Variants in CBLC observed in about 807,000 individuals in gnomAD.
CBLC encodes Cbl proto-oncogene C, also known as E3 ubiquitin-protein ligase CBL-C.
CBLC carries 46 observed loss-of-function variants against 58.6 expected under a neutral mutation model. The observed-to-expected ratio is 0.79, with a 90% CI of 0.62 to 1.00. The LOEUF (loss-of-function observed/expected upper bound fraction) is 1.00. Ranked by LOEUF, CBLC falls within the 50% of genes least tolerant of loss-of-function variation. The probability of loss-of-function intolerance (pLI) is 0.00; values close to 1 mark genes in which losing one functional copy is unlikely to be tolerated. For missense variants in CBLC, 655 were observed against 625.8 expected, an observed-to-expected ratio of 1.05 and a Z score of -0.50; for synonymous variants, 271 against 264.2, an observed-to-expected ratio of 1.03 and a Z score of -0.25.
rs756001540 is a variant in CBLC at position 44,793,636 on chromosome 19, C to T, written c.1284+16C>T. 3.8e-6 allele frequency: 6 copies of T among 1,567,868 alleles called. No homozygotes were observed. The highest frequency in any genetic ancestry group is 1.5e-5 in the African/African-American group (1 of 65,392). On this transcript the variant is annotated intron_variant, in intron 8 of 10. Coordinates refer to ENST00000647358, the MANE Select transcript of CBLC (RefSeq NM_012116.4). ...GCTGGGGCAGGTGAGCAGGGCCAGC[C>T]GGGAGCTGGAATCCAAATTCCTGAG...
chr19:44,796,816 G>C (rs1191175760), intron 9 of CBLC, among the ~76,000 whole-genome samples: 2 of 151,454 alleles, frequency 1.3e-5, no homozygotes, highest in East Asian at 1.9e-4. Flanking sequence ...CACAGGCTTC[G>C]ATCAATACTG....
At chr19:44,797,567 G>A (rs111654618) in intron 9 of CBLC, among the ~76,000 whole-genome samples, 1,741 of 138,630 alleles carry the variant, frequency 0.013, 51 homozygotes, top group Non-Finnish European at 0.012. Context: ...CTATGTGCCT[G>A]GCATTGCTTT....
chr19:44,798,023 G>A (rs1372021333), intron 9 of CBLC, among the ~76,000 whole-genome samples: 1 of 152,076 alleles, frequency 6.6e-6, no homozygotes, highest in Non-Finnish European at 1.5e-5. Context: ...TGTGGCCCCT[G>A]GGGTTGCTGT....
intron 9 of CBLC, 126 bp downstream of exon 9, chr19:44,794,407 C>A: frequency 1.4e-6 from 1 of 695,326 alleles, no homozygotes; most frequent in African/African-American, 1.9e-5. Context: ...CCAAGGCACC[C>A]ATCCCCTCTG....
At chr19:44,788,003 T>C (rs1047102905) in intron 5 of CBLC, among the ~76,000 whole-genome samples, 8 of 151,284 alleles carry the variant, frequency 5.3e-5, no homozygotes, top group Non-Finnish European at 1.2e-4. Flanking sequence ...CACTATGTTG[T>C]CCAGGCTGGC....
At chr19:44,796,270 G>A (rs2965115) in intron 9 of CBLC, among the ~76,000 whole-genome samples, 2,673 of 152,248 alleles carry the variant, frequency 0.018, 88 homozygotes, top group African/African-American at 0.058. Context: ...GAGGAAAAAA[G>A]TTCAGAGAGG....
chr19:44,780,884 A>G (rs758307910), intron 1 of CBLC, 21 bp from the exon 2 acceptor site: 25 of 1,607,486 alleles, frequency 1.6e-5, no homozygotes, highest in Non-Finnish European at 2.1e-5. Context: ...GGATAGCCAG[A>G]GTCCTTGCCC....
chr19:44,791,092 C>T (rs1485495739), intron 6 of CBLC, among the ~76,000 whole-genome samples: 2 of 151,414 alleles, frequency 1.3e-5, no homozygotes, highest in Admixed American at 1.3e-4. Flanking sequence ...GCACTCCAGC[C>T]TGGGCAACAG....
intron 10 of CBLC, 27 bp downstream of exon 10, chr19:44,800,477 G>C (rs1331523383): frequency 2.7e-6 from 4 of 1,485,304 alleles, no homozygotes; most frequent in Non-Finnish European, 3.7e-6. Flanking sequence ...ACCCTCCCTG[G>C]CCCACTCCAC....
intron 1 of CBLC, among the ~76,000 whole-genome samples, chr19:44,780,587 C>T (rs1212069569): frequency 6.6e-6 from 1 of 151,584 alleles, no homozygotes; most frequent in Non-Finnish European, 1.5e-5. Flanking sequence ...ATTCTCCTGC[C>T]TCAGCCTCCT....
At position 44,792,354 on chromosome 19, in the gene CBLC, G is replaced by A. The variant is rs116699712; in HGVS notation, c.1006-29G>A. On this transcript the variant is annotated intron_variant, in intron 6 of 10. Transcript: ENST00000647358. ...TCCCCGTGGCTGACGCATGCCCCTC[G>A]CTGTCTTCTCTATCCTCTCACCTGC... 2.3e-3 allele frequency: 3,652 copies of A among 1,610,814 alleles called. 67 individuals carry two copies. The African/African-American group carries it at 0.04, about 17-fold the overall frequency.
Position 44,784,642 on chromosome 19 carries a change from T to G in CBLC, c.917+241T>G, listed in dbSNP as rs114034879. On this transcript the variant is annotated intron_variant, in intron 5 of 10. Coordinates refer to ENST00000647358, the MANE Select transcript of CBLC (RefSeq NM_012116.4). ...GCCCAGCCACAGCTCCGAGGAGAAGTGTGTGGGGCATTGGGCACAACCGCA... is the reference window on the plus strand; with the variant it reads ...GCCCAGCCACAGCTCCGAGGAGAAGGGTGTGGGGCATTGGGCACAACCGCA... 5.1e-3 allele frequency among the ~76,000 whole-genome samples: 781 copies of G among 152,188 alleles called. 4 individuals are homozygous for G. Among genetic ancestry groups the G allele is most frequent in the African/African-American group, 0.017 (703 of 41,524 alleles).
intron 1 of CBLC, among the ~76,000 whole-genome samples, chr19:44,780,461 C>T (rs1967690034): frequency 1.4e-5 from 2 of 141,326 alleles, no homozygotes; most frequent in Non-Finnish European, 1.5e-5. Flanking sequence ...CCATGTATAT[C>T]GTTTTTAATT....
intron 5 of CBLC, among the ~76,000 whole-genome samples, chr19:44,787,280 G>C (rs1490985296): frequency 6.6e-6 from 1 of 151,470 alleles, no homozygotes; most frequent in Admixed American, 6.6e-5. Context: ...TGTAGTCCCA[G>C]CTACTCAGGA....
intron 9 of CBLC, among the ~76,000 whole-genome samples, chr19:44,799,985 C>T (rs907537732): frequency 3.9e-5 from 6 of 152,072 alleles, no homozygotes; most frequent in Non-Finnish European, 7.4e-5. Flanking sequence ...GATGGACAGG[C>T]GGACAGACAA....
chr19:44,786,300 C>T (rs1198857886), intron 5 of CBLC, among the ~76,000 whole-genome samples: 1 of 151,684 alleles, frequency 6.6e-6, no homozygotes, highest in Non-Finnish European at 1.5e-5. Flanking sequence ...TTTAAAGACA[C>T]TTTATTCAAG....
chr19:44,785,270 G>A (rs1599862819), intron 5 of CBLC, among the ~76,000 whole-genome samples: 2 of 151,440 alleles, frequency 1.3e-5, no homozygotes, highest in Admixed American at 6.6e-5. Flanking sequence ...ACCATGCCCG[G>A]TCCTAAGTTT....
At chr19:44,793,139 G>A (rs1599871414) in intron 7 of CBLC, among the ~76,000 whole-genome samples, 2 of 152,180 alleles carry the variant, frequency 1.3e-5, no homozygotes, top group South Asian at 2.1e-4. Context: ...GTGACAGAGC[G>A]AGACTCCGTT....
intron 8 of CBLC, 50 bp downstream of exon 8, chr19:44,793,670 G>T (rs199840214): frequency 2.0e-6 from 3 of 1,532,608 alleles, no homozygotes; most frequent in South Asian, 1.2e-5. Context: ...AGGCCTGAGT[G>T]GGGAGGGACT....
Sources: gnomAD v4.1 joint callset for allele counts (sites outside exome capture counted in the v4.1 genomes callset) on GRCh38, gnomAD v4.1.1 for gene constraint, MANE v1.5 for transcripts, NCBI Gene and HGNC (gene_info 2026-07-23, HGNC 2026-07-21) for gene names.